Variants in P2RY10 observed in about 807,000 individuals in gnomAD.
P2RY10 encodes putative P2Y purinoceptor 10.
In P2RY10, 4 loss-of-function variants were observed where a neutral mutation model predicts 12.1. That is an observed-to-expected ratio of 0.33 (90% CI 0.16 to 0.76). P2RY10 has a LOEUF of 0.76. P2RY10 is among the 30% of genes least tolerant of loss of function. The pLI is 0.61. For missense variants in P2RY10, 233 were observed against 264.6 expected (o/e 0.88, Z 0.83); for synonymous variants, 112 against 94.1 (o/e 1.19, Z -1.10).
At position 78,961,602 on chromosome X, in the gene P2RY10, C is replaced by A; in HGVS notation, c.*62C>A. 1 of 872,678 alleles carries A rather than the reference C, an allele frequency of 1.1e-6. No individual in the cohort carries two copies. 71.9% of individuals were successfully genotyped at this position (872,678 alleles called of 1,213,427 possible). On this transcript the variant is annotated 3_prime_UTR_variant, in exon 4 of 4. Transcript: ENST00000171757. ...TACGTTCCTTGTCTTTTTCCAAAGG[C>A]CAGAATTGTCAACCAATTTCTTTAA...
chrX:78,961,696 G>A lies in P2RY10; in HGVS notation c.*156G>A. 1 of 395,370 alleles carries A rather than the reference G, an allele frequency of 2.5e-6. No homozygotes were observed. The allele number at this position is 395,370 out of a possible 1,213,427, so 32.6% of individuals were successfully genotyped here. A position where few individuals can be genotyped will look rare whatever the true frequency, so the allele number is the denominator to read the frequency against. The stretch of plus-strand genomic sequence containing the variant: ...TCACAGTCAACAGGGGTGTGATGGT[G>A]AAGGCAGAGTGTGAAAAACGTGAGA... On this transcript the variant is annotated 3_prime_UTR_variant, in exon 4 of 4. Transcript: ENST00000171757.
chrX:78,946,603 T>C (rs771788400), intron 1 of P2RY10, among the ~76,000 whole-genome samples: 2 of 112,282 alleles, frequency 1.8e-5, no homozygotes, highest in Non-Finnish European at 3.8e-5. Context: ...TTATGATGTA[T>C]ATTAATTGGA....
At chrX:78,956,341 A>AG (rs1188023554) in intron 3 of P2RY10, among the ~76,000 whole-genome samples, 1 of 111,987 alleles carries the variant, frequency 8.9e-6, no homozygotes, top group Non-Finnish European at 1.9e-5. Flanking sequence ...ACAACATTTT[A>AG]GGGAAATAGT....
chrX:78,961,173 C>A lies in P2RY10; in HGVS notation c.653C>A (p.Thr218Asn). ...CCAGTGATCATCATCGCATGGTGTA[C>A]CTGGAAAACTACTATATCCTTGAGA... ...VIPVIIIAWC[T>N]WKTTISLRQP... Residue 218 changes from threonine (T) to asparagine (N), a missense_variant, in exon 4 of 4, where the codon ACC (threonine) becomes AAC (asparagine). Thr to Asn is a moderately conservative substitution (Grantham distance 65). Transcript: ENST00000171757. 8.3e-7 allele frequency: 1 copy of A among 1,210,179 alleles called. No individual in the cohort carries two copies. The highest frequency in any genetic ancestry group is 1.1e-6 in the Non-Finnish European group (1 of 894,196).
chrX:78,951,725 C>T (rs1602264360), intron 2 of P2RY10, among the ~76,000 whole-genome samples: 1 of 111,608 alleles, frequency 9.0e-6, no homozygotes, highest in African/African-American at 3.3e-5. Flanking sequence ...ATCTTTAGAG[C>T]CATACTTTGA....
intron 3 of P2RY10, among the ~76,000 whole-genome samples, chrX:78,953,017 G>A (rs191765635): frequency 8.0e-5 from 9 of 111,894 alleles, no homozygotes; most frequent in Admixed American, 6.6e-4. Context: ...AATAATTTTA[G>A]ACTGGAGATC....
chrX:78,956,820 C>T (rs1035833240), intron 3 of P2RY10, among the ~76,000 whole-genome samples: 1 of 111,424 alleles, frequency 9.0e-6, no homozygotes, highest in African/African-American at 3.3e-5. Context: ...CACAGGACTC[C>T]TGTGAGGATG....
chrX:78,954,193 A>G (rs1922233843), intron 3 of P2RY10, among the ~76,000 whole-genome samples: 1 of 111,647 alleles, frequency 9.0e-6, no homozygotes, highest in East Asian at 2.8e-4. Flanking sequence ...TCTTTCTAAA[A>G]CACAAGTATG....
intron 2 of P2RY10, among the ~76,000 whole-genome samples, chrX:78,948,347 C>A: frequency 8.9e-6 from 1 of 111,758 alleles, no homozygotes. Flanking sequence ...CAGGATCCAA[C>A]CAAAGGCCCT....
chrX:78,949,163 G>A (rs983608245), intron 2 of P2RY10, among the ~76,000 whole-genome samples: 1 of 110,637 alleles, frequency 9.0e-6, no homozygotes, highest in African/African-American at 3.3e-5. Context: ...ATTTTTTCGT[G>A]TTTGTTGGCC....
chrX:78,949,787 G>A (rs780987507), intron 2 of P2RY10, among the ~76,000 whole-genome samples: 47 of 111,971 alleles, frequency 4.2e-4, no homozygotes, highest in Non-Finnish European at 6.4e-4. Flanking sequence ...AGGCTTATTT[G>A]GAGTTGATGT....
At position 78,962,037 on chromosome X, in the gene P2RY10, A is replaced by G. The variant is rs1236071660; in HGVS notation, c.*497A>G. 1 of 117,191 alleles carries G rather than the reference A, an allele frequency of 8.5e-6. No individual in the cohort carries two copies. The highest frequency in any genetic ancestry group is 1.9e-5 in the Non-Finnish European group (1 of 53,569). The allele number at this position is 117,191 out of a possible 1,213,427, so 9.7% of individuals were successfully genotyped here. A position where few individuals can be genotyped will look rare whatever the true frequency, so the allele number is the denominator to read the frequency against. ...AAGCAATATGTGCATAAATTTCAGG[A>G]CCACAAGCCTGTTATTAAAGAAAAG... On this transcript the variant is annotated 3_prime_UTR_variant, in exon 4 of 4. Transcript: ENST00000171757.
Position 78,962,372 on chromosome X carries a change from G to T in P2RY10, c.*832G>T, listed in dbSNP as rs756825768. 8.9e-6 allele frequency among the ~76,000 whole-genome samples: 1 copy of T among 111,984 alleles called. No homozygotes were observed. The highest frequency in any genetic ancestry group is 1.9e-5 in the Non-Finnish European group (1 of 53,225). ...ATACAAATGAATAAATGGAACTTCA[G>T]AGAGGTTAAGCAATTTGCCTCAGGA... On this transcript the variant is annotated 3_prime_UTR_variant, in exon 4 of 4. Transcript: ENST00000171757.
intron 3 of P2RY10, among the ~76,000 whole-genome samples, chrX:78,958,104 G>T (rs865989316): frequency 8.9e-6 from 1 of 112,244 alleles, no homozygotes; most frequent in Non-Finnish European, 1.9e-5. Context: ...TAGGTGGTAG[G>T]GTGGGAACAG....
chrX:78,954,733 C>G (rs1471003873), intron 3 of P2RY10, among the ~76,000 whole-genome samples: 1 of 112,275 alleles, frequency 8.9e-6, no homozygotes, highest in African/African-American at 3.2e-5. Context: ...TCATCCTTTG[C>G]AATTAGCATA....
At chrX:78,954,897 A>C (rs1232159619) in intron 3 of P2RY10, among the ~76,000 whole-genome samples, 2 of 111,943 alleles carry the variant, frequency 1.8e-5, no homozygotes, top group Non-Finnish European at 3.8e-5. Flanking sequence ...GGTCACTAGG[A>C]TTTAAAGAGA....
chrX:78,951,576 T>G (rs1194671318), intron 2 of P2RY10, among the ~76,000 whole-genome samples: 1 of 110,926 alleles, frequency 9.0e-6, no homozygotes, highest in Admixed American at 9.6e-5. Flanking sequence ...GGTTGCCCGA[T>G]GTAAGGAAAA....
chrX:78,946,021 C>T (rs1230773067), intron 1 of P2RY10, among the ~76,000 whole-genome samples: 1 of 111,477 alleles, frequency 9.0e-6, no homozygotes, highest in Non-Finnish European at 1.9e-5. Context: ...CATAGAGATC[C>T]AAATCCCTCA....
rs909568224 is a variant in P2RY10 at position 78,962,355 on chromosome X, G to T, written c.*815G>T. Among the ~76,000 whole-genome samples, 30 of 111,617 alleles carry T rather than the reference G, an allele frequency of 2.7e-4. No homozygotes were observed. The highest frequency in any genetic ancestry group is 4.9e-4 in the Non-Finnish European group (26 of 53,152). On this transcript the variant is annotated 3_prime_UTR_variant, in exon 4 of 4. Transcript: ENST00000171757. The stretch of plus-strand genomic sequence containing the variant: ...ACCTGTGGAAGTTGCCGATACAAAT[G>T]AATAAATGGAACTTCAGAGAGGTTA...
Sources: allele counts gnomAD v4.1 joint callset (sites outside exome capture counted in the v4.1 genomes callset), GRCh38; gene constraint gnomAD v4.1.1; transcripts MANE v1.5; gene names NCBI Gene and HGNC (gene_info 2026-07-23, HGNC 2026-07-21).